CHCHD6: variants seen among roughly 807,000 people sequenced by gnomAD.
The protein encoded by CHCHD6 is coiled-coil-helix-coiled-coil-helix domain containing 6, also known as MICOS complex subunit MIC25.
Under a neutral mutation model 32.3 loss-of-function variants are expected in CHCHD6, and 28 were observed. The observed-to-expected ratio is 0.87, with a 90% confidence interval of 0.64 to 1.19. CHCHD6 has a LOEUF of 1.19. Among genes scored for constraint, CHCHD6 ranks in the 50% most tolerant of loss-of-function variants. CHCHD6 has a pLI of 0.00. For missense variants in CHCHD6, 333 were observed against 307.0 expected, an observed-to-expected ratio of 1.08 and a Z score of -0.63; for synonymous variants, 122 against 117.5, an observed-to-expected ratio of 1.04 and a Z score of -0.25.
intron 4 of CHCHD6, among the ~76,000 whole-genome samples, chr3:126,747,257 G>A (rs902858500): frequency 1.3e-5 from 2 of 152,172 alleles, no homozygotes; most frequent in Non-Finnish European, 2.9e-5. Context: ...GTCTTGGTGT[G>A]CTCTTTGTAA....
chr3:126,928,623 A>G (rs1411083467), intron 6 of CHCHD6, among the ~76,000 whole-genome samples: 1 of 152,180 alleles, frequency 6.6e-6, no homozygotes, highest in Non-Finnish European at 1.5e-5. Context: ...TTTCTGGTGT[A>G]GCTAGATCCA....
chr3:126,953,224 C>G, intron 6 of CHCHD6: 1 of 730,140 alleles, frequency 1.4e-6, no homozygotes. Context: ...TCCACTAGAC[C>G]AAGAGTCCCA....
At chr3:126,715,834 A>G (rs1934985483) in intron 1 of CHCHD6, among the ~76,000 whole-genome samples, 1 of 152,102 alleles carries the variant, frequency 6.6e-6, no homozygotes, top group Admixed American at 6.5e-5. Flanking sequence ...GAGTTTTCCC[A>G]AGGCCGTGGA....
At chr3:126,720,901 A>G (rs1242968203) in intron 1 of CHCHD6, among the ~76,000 whole-genome samples, 1 of 152,174 alleles carries the variant, frequency 6.6e-6, no homozygotes, top group Admixed American at 6.5e-5. Context: ...CTTAGTTGCT[A>G]CAGCCGCAAA....
At chr3:126,864,012 C>G (rs575110902) in intron 5 of CHCHD6, among the ~76,000 whole-genome samples, 1 of 149,794 alleles carries the variant, frequency 6.7e-6, no homozygotes, top group East Asian at 2.0e-4. Flanking sequence ...CCCCCACTAT[C>G]ACCAACTCCT....
At chr3:126,738,901 C>T (rs1936171942) in intron 4 of CHCHD6, among the ~76,000 whole-genome samples, 1 of 152,228 alleles carries the variant, frequency 6.6e-6, no homozygotes, top group Non-Finnish European at 1.5e-5. Context: ...TTAGGTTTAT[C>T]TTTCTTAGAA....
intron 6 of CHCHD6, among the ~76,000 whole-genome samples, chr3:126,932,866 A>T (rs1029075331): frequency 1.3e-5 from 2 of 150,982 alleles, no homozygotes; most frequent in African/African-American, 4.8e-5. Flanking sequence ...GCTTCTCTGG[A>T]TGTTATTTAG....
At chr3:126,762,922 C>T (rs937580745) in intron 4 of CHCHD6, among the ~76,000 whole-genome samples, 4 of 152,142 alleles carry the variant, frequency 2.6e-5, no homozygotes, top group Admixed American at 2.0e-4. Flanking sequence ...TCAGTTCCAA[C>T]CTATGTGCCT....
intron 4 of CHCHD6, among the ~76,000 whole-genome samples, chr3:126,811,721 C>T (rs2107531678): frequency 6.6e-6 from 1 of 152,326 alleles, no homozygotes; most frequent in African/African-American, 2.4e-5. Flanking sequence ...AAGGCACAGG[C>T]TTAGTAATGT....
Position 126,704,293 on chromosome 3 carries a change from C to G in CHCHD6, c.-20C>G. ...GCCGGGTCTCGGGTCTGGTGGCTGC[C>G]GGCCCTGCGGCATCTCGCCATGGGG... On this transcript the variant is annotated 5_prime_UTR_variant, in exon 1 of 8. Coordinates refer to ENST00000290913, the MANE Select transcript of CHCHD6 (RefSeq NM_032343.3). 6.3e-7 allele frequency: 1 copy of G among 1,596,314 alleles called. No individual in the cohort carries two copies.
At position 126,777,865 on chromosome 3, in the gene CHCHD6, A is replaced by G. The variant is rs545075899; in HGVS notation, c.411+44643A>G. On this transcript the variant is annotated intron_variant, in intron 4 of 7. Coordinates refer to ENST00000290913, the MANE Select transcript of CHCHD6 (RefSeq NM_032343.3). ...CATAGAGTTGTACAACCATCACCAC[A>G]GTCAATTTTAGAACATTTTTGTCAC... Among the ~76,000 whole-genome samples, 4 of 152,338 alleles carry G rather than the reference A, an allele frequency of 2.6e-5. No individual in the cohort carries two copies. In the East Asian group the frequency reaches 7.7e-4, roughly 29 times the overall value.
intron 4 of CHCHD6, among the ~76,000 whole-genome samples, chr3:126,746,813 C>G (rs1936522546): frequency 6.6e-6 from 1 of 152,060 alleles, no homozygotes; most frequent in African/African-American, 2.4e-5. Context: ...GCAGGTTTTC[C>G]TTTTTTTTCC....
intron 6 of CHCHD6, among the ~76,000 whole-genome samples, chr3:126,934,051 G>A (rs768749751): frequency 2.0e-5 from 3 of 152,130 alleles, no homozygotes; most frequent in Non-Finnish European, 4.4e-5. Flanking sequence ...CATTTCCCTG[G>A]GCTCAAGGTC....
chr3:126,926,491 C>G (rs987100127), intron 6 of CHCHD6, among the ~76,000 whole-genome samples: 18 of 152,134 alleles, frequency 1.2e-4, no homozygotes, highest in African/African-American at 4.1e-4. Flanking sequence ...ATGAAATGAC[C>G]TTGTGCTGAG....
At chr3:126,927,066 TCAGGGTGATCTCTGA>T (rs971187201) in intron 6 of CHCHD6, among the ~76,000 whole-genome samples, 13 of 152,142 alleles carry the variant, frequency 8.5e-5, no homozygotes, top group African/African-American at 3.1e-4. Flanking sequence ...CATCTGAGGA[TCAGGGTGATCTCTGA>T]CATTCAAGCA....
intron 4 of CHCHD6, among the ~76,000 whole-genome samples, chr3:126,747,959 C>T (rs948450469): frequency 6.6e-6 from 1 of 152,094 alleles, no homozygotes; most frequent in East Asian, 1.9e-4. Context: ...CCTCTTGCTG[C>T]GCTCCAGCAG....
chr3:126,775,372 C>T lies in CHCHD6; in HGVS notation c.411+42150C>T, dbSNP rs73201783. ...TGAATATTTTTCATATATTTATGGG[C>T]CTGATTTTTCCCTCTCTTATGAATT... is the stretch of plus-strand genomic sequence containing the variant. On this transcript the variant is annotated intron_variant, in intron 4 of 7. Transcript: ENST00000290913. Among the ~76,000 whole-genome samples, 1,221 of 152,114 alleles carry T rather than the reference C, an allele frequency of 8.0e-3. 8 individuals carry two copies. Among genetic ancestry groups the T allele is most frequent in the Middle Eastern group, 0.014 (4 of 294 alleles).
intron 4 of CHCHD6, among the ~76,000 whole-genome samples, chr3:126,741,190 T>C (rs572221883): frequency 4.1e-4 from 63 of 152,330 alleles, no homozygotes; most frequent in African/African-American, 1.4e-3. Context: ...TGTGGTTCCT[T>C]CGTGTTTCTA....
At chr3:126,854,400 A>G (rs1257577502) in intron 5 of CHCHD6, among the ~76,000 whole-genome samples, 3 of 152,086 alleles carry the variant, frequency 2.0e-5, no homozygotes, top group East Asian at 3.9e-4. Context: ...GGAAATGGAG[A>G]TTGGTGTGGG....
Sources: gnomAD v4.1 joint callset for allele counts (sites outside exome capture counted in the v4.1 genomes callset) on GRCh38, gnomAD v4.1.1 for gene constraint, MANE v1.5 for transcripts, NCBI Gene and HGNC (gene_info 2026-07-23, HGNC 2026-07-21) for gene names.